SYCP1: variants seen among roughly 807,000 people sequenced by gnomAD.
The protein encoded by SYCP1 is synaptonemal complex protein 1.
SYCP1 carries 64 observed loss-of-function variants against 153.1 expected under a neutral mutation model. The observed-to-expected ratio is 0.42, with a 90% CI of 0.34 to 0.51. The LOEUF (loss-of-function observed/expected upper bound fraction) is 0.51. Ranked by LOEUF, SYCP1 falls within the 20% of genes least tolerant of loss-of-function variation. The pLI is 0.06. For missense variants in SYCP1, 997 were observed against 1,049.0 expected, an observed-to-expected ratio of 0.95 and a Z score of 0.68; for synonymous variants, 384 against 341.8, an observed-to-expected ratio of 1.12 and a Z score of -1.36.
intron 16 of SYCP1, among the ~76,000 whole-genome samples, chr1:114,906,777 T>C (rs1233198868): frequency 6.6e-6 from 1 of 152,196 alleles, no homozygotes; most frequent in Non-Finnish European, 1.5e-5. Flanking sequence ...TTAGTGAATG[T>C]TCCATGTGCA....
intron 11 of SYCP1, 83 bp downstream of exon 11, chr1:114,876,893 A>G: frequency 1.5e-6 from 1 of 683,662 alleles, no homozygotes; most frequent in Non-Finnish European, 2.1e-6. Context: ...GTTTATATTT[A>G]CTGAAAGTAT....
rs1669033826 is a variant in SYCP1, at chr1:114,923,437, AT to A, written c.1719-8del. 1 of 1,562,146 alleles carries A rather than the reference AT, an allele frequency of 6.4e-7. No homozygotes were observed. Among genetic ancestry groups the A allele is most frequent in the Admixed American group, 1.8e-5 (1 of 54,102 alleles). On this transcript the variant is annotated splice_polypyrimidine_tract_variant and intron_variant, in intron 20 of 31. Transcript: ENST00000369522. ...ATTTTTAGTATAATGTCACTCTTCC[AT>A]TTTCTTTTAGAAATGAACTAGAATA...
At position 114,856,866 on chromosome 1, in the gene SYCP1, C is replaced by G. The variant is rs1663980561; in HGVS notation, c.193+209C>G. 2.4e-5 allele frequency among the ~76,000 whole-genome samples: 3 copies of G among 125,808 alleles called. No individual in the cohort carries two copies. The Admixed American group carries it at 3.0e-4, about 13-fold the overall frequency. 82.5% of individuals were successfully genotyped at this position (125,808 alleles called of 152,430 possible). ...GAGGGAGGCTGATGGAGGGGGATCA[C>G]TTGAGGCCAGGTGTTTGAGACCAGC... On this transcript the variant is annotated intron_variant, in intron 3 of 31. Coordinates refer to ENST00000369522, the MANE Select transcript of SYCP1 (RefSeq NM_003176.4).
intron 27 of SYCP1, among the ~76,000 whole-genome samples, chr1:114,970,707 T>G (rs572559807): frequency 6.6e-6 from 1 of 152,288 alleles, no homozygotes; most frequent in Non-Finnish European, 1.5e-5. Flanking sequence ...CCAGTGGAGC[T>G]ATCAGGCTTT....
intron 14 of SYCP1, among the ~76,000 whole-genome samples, chr1:114,886,727 T>A (rs1031043192): frequency 4.6e-5 from 7 of 152,078 alleles, no homozygotes; most frequent in Non-Finnish European, 8.8e-5. Context: ...CATAGGTAAG[T>A]ACTACTCTAT....
At chr1:114,990,634 C>G (rs926558168) in intron 30 of SYCP1, among the ~76,000 whole-genome samples, 1 of 151,738 alleles carries the variant, frequency 6.6e-6, no homozygotes. Flanking sequence ...TACTACTGAC[C>G]GTTCAGAGAT....
intron 23 of SYCP1, among the ~76,000 whole-genome samples, chr1:114,931,915 C>A (rs1669657599): frequency 6.6e-6 from 1 of 151,986 alleles, no homozygotes; most frequent in Admixed American, 6.6e-5. Context: ...ACTAAATGTA[C>A]AGACTGTTAA....
chr1:114,915,909 G>C (rs754254472), intron 20 of SYCP1, among the ~76,000 whole-genome samples: 27 of 152,142 alleles, frequency 1.8e-4, no homozygotes, highest in Non-Finnish European at 3.2e-4. Flanking sequence ...AGCTACTGAA[G>C]CCCCTGTTGT....
At chr1:114,929,504 G>A (rs1042062120) in intron 23 of SYCP1, among the ~76,000 whole-genome samples, 4 of 151,966 alleles carry the variant, frequency 2.6e-5, no homozygotes, top group Non-Finnish European at 5.9e-5. Context: ...GGAAAAAGAT[G>A]AAGGAAAGAA....
At chr1:114,902,123 T>C (rs1667494543) in intron 16 of SYCP1, among the ~76,000 whole-genome samples, 1 of 151,914 alleles carries the variant, frequency 6.6e-6, no homozygotes, top group Non-Finnish European at 1.5e-5. Flanking sequence ...GGGGAACTGC[T>C]GCTCGCCCAT....
intron 21 of SYCP1, among the ~76,000 whole-genome samples, chr1:114,925,850 T>C (rs1482907246): frequency 2.0e-5 from 3 of 152,160 alleles, no homozygotes; most frequent in African/African-American, 7.2e-5. Flanking sequence ...TTTTTTTAAC[T>C]GAGAGAAATT....
At chr1:114,978,999 T>G (rs1672974578) in intron 28 of SYCP1, among the ~76,000 whole-genome samples, 1 of 151,690 alleles carries the variant, frequency 6.6e-6, no homozygotes, top group African/African-American at 2.4e-5. Flanking sequence ...TCATGTACAA[T>G]TCTATATGTT....
At position 114,944,904 on chromosome 1, in the gene SYCP1, A is replaced by G. The variant is rs765451272; in HGVS notation, c.2076A>G (p.Ala692=). 19 of 1,603,176 alleles carry G rather than the reference A, an allele frequency of 1.2e-5. No homozygotes were observed. The South Asian group carries it at 2.0e-4, about 17-fold the overall frequency. The change falls in exon 25 of 32, where the codon GCA becomes GCG. Residue 692 remains alanine (A), a synonymous_variant. Coordinates refer to ENST00000369522, the MANE Select transcript of SYCP1 (RefSeq NM_003176.4). ...VEKAKVIADE[A]VKLQKEIDKR... Reference sequence around the variant, plus strand: ...AAGCAAAAGTAATAGCTGATGAAGCAGTAAAATTACAGAAAGAAATTGATA... The same window carrying G: ...AAGCAAAAGTAATAGCTGATGAAGCGGTAAAATTACAGAAAGAAATTGATA...
intron 9 of SYCP1, among the ~76,000 whole-genome samples, chr1:114,875,261 C>CT (rs561059800): frequency 0.085 from 9,564 of 112,002 alleles, 680 homozygotes; most frequent in African/African-American, 0.14. Context: ...ACTTTGTCTT[C>CT]TTTTTTTTTT....
intron 27 of SYCP1, among the ~76,000 whole-genome samples, chr1:114,970,604 C>A (rs571680563): frequency 6.6e-6 from 1 of 151,886 alleles, no homozygotes; most frequent in East Asian, 1.9e-4. Flanking sequence ...ATGGGGTGAT[C>A]CCTTGATGTG....
At chr1:114,987,858 A>G (rs922534035) in intron 30 of SYCP1, among the ~76,000 whole-genome samples, 1 of 151,936 alleles carries the variant, frequency 6.6e-6, no homozygotes, top group Non-Finnish European at 1.5e-5. Context: ...AAAGGAAGAC[A>G]TGGACAAAGA....
chr1:114,873,461 A>AG (rs1378996160), intron 8 of SYCP1, among the ~76,000 whole-genome samples: 5 of 152,092 alleles, frequency 3.3e-5, no homozygotes. Context: ...GGATGGCTAG[A>AG]GGGGGATGGA....
intron 15 of SYCP1, among the ~76,000 whole-genome samples, chr1:114,890,817 A>G (rs1666657922): frequency 6.6e-6 from 1 of 152,196 alleles, no homozygotes. Flanking sequence ...ATAAAATATA[A>G]CTAACTTAGA....
At chr1:114,925,139 C>T (rs995579319) in intron 21 of SYCP1, among the ~76,000 whole-genome samples, 1 of 152,012 alleles carries the variant, frequency 6.6e-6, no homozygotes, top group Non-Finnish European at 1.5e-5. Context: ...AACACATTTT[C>T]CTCCCTGAAA....
Sources: allele counts gnomAD v4.1 joint callset (sites outside exome capture counted in the v4.1 genomes callset), GRCh38; gene constraint gnomAD v4.1.1; transcripts MANE v1.5; gene names NCBI Gene and HGNC (gene_info 2026-07-23, HGNC 2026-07-21).